RNF157: variants seen among roughly 807,000 people sequenced by gnomAD.
RNF157 encodes E3 ubiquitin ligase RNF157.
In RNF157, 55 loss-of-function variants were observed where a neutral mutation model predicts 88.3. The observed-to-expected ratio is 0.62, with a 90% confidence interval of 0.50 to 0.78. RNF157 has a LOEUF of 0.78. RNF157 is among the 30% of genes least tolerant of loss of function. The pLI is 0.00. For synonymous variants in RNF157, 334 were observed against 341.2 expected, an observed-to-expected ratio of 0.98 and a Z score of 0.23; for missense variants, 788 against 860.8, an observed-to-expected ratio of 0.92 and a Z score of 1.06.
intron 1 of RNF157, among the ~76,000 whole-genome samples, chr17:76,239,144 A>C (rs1201741458): frequency 6.6e-6 from 1 of 152,246 alleles, no homozygotes; most frequent in East Asian, 1.9e-4. Flanking sequence ...AAGCAGACAG[A>C]ATGTCGCAGC....
chr17:76,225,673 CAAAAT>C, intron 1 of RNF157: 1 of 1,220,408 alleles, frequency 8.2e-7, no homozygotes, highest in Non-Finnish European at 1.1e-6. Context: ...TTTTTCCCTA[CAAAAT>C]AATTTATTGG....
chr17:76,205,184 G>T (rs2069660067), intron 2 of RNF157, among the ~76,000 whole-genome samples: 1 of 150,340 alleles, frequency 6.7e-6, no homozygotes, highest in Admixed American at 6.6e-5. Flanking sequence ...TGTAGCCCAG[G>T]CTAGAGTGCA....
At chr17:76,173,267 C>G (rs1189315503) in intron 3 of RNF157, among the ~76,000 whole-genome samples, 2 of 150,840 alleles carry the variant, frequency 1.3e-5, no homozygotes, top group Non-Finnish European at 1.5e-5. Flanking sequence ...GCCTGGGTGA[C>G]AGAGCGAGAC....
intron 18 of RNF157, among the ~76,000 whole-genome samples, chr17:76,149,895 G>A (rs143620505): frequency 0.016 from 2,489 of 152,142 alleles, 41 homozygotes; most frequent in Middle Eastern, 0.027. Flanking sequence ...TTAGCCGGGC[G>A]TGGTGGCGGG....
At chr17:76,215,448 G>A (rs1245594833) in intron 1 of RNF157, among the ~76,000 whole-genome samples, 1 of 150,552 alleles carries the variant, frequency 6.6e-6, no homozygotes, top group African/African-American at 2.4e-5. Context: ...ACTCCAGCCT[G>A]GGTGACAGAG....
chr17:76,156,968 C>CA (rs2068775249), intron 13 of RNF157, among the ~76,000 whole-genome samples: 1 of 146,492 alleles, frequency 6.8e-6, no homozygotes, highest in Non-Finnish European at 1.5e-5. Flanking sequence ...TTTTTTTTCA[C>CA]TTTTTTTTTT....
chr17:76,210,396 C>T (rs200290742), intron 2 of RNF157, among the ~76,000 whole-genome samples: 41 of 151,712 alleles, frequency 2.7e-4, no homozygotes, highest in East Asian at 2.2e-3. Context: ...CGAGACCATC[C>T]TGGCTAACAC....
Position 76,145,363 on chromosome 17 carries a change from A to G in RNF157, c.1922-10T>C, listed in dbSNP as rs757018435. The G allele has an allele frequency of 1.2e-6, 2 of 1,606,746 alleles. No individual in the cohort carries two copies. The highest frequency in any genetic ancestry group is 3.3e-5 in the Admixed American group (2 of 59,848). On this transcript the variant is annotated splice_polypyrimidine_tract_variant and intron_variant, in intron 18 of 18. Coordinates refer to ENST00000269391, the MANE Select transcript of RNF157 (RefSeq NM_052916.3). The stretch of plus-strand genomic sequence containing the variant: ...TCAGCCTGCCAGGCACCTGGGGAAG[A>G]GAAAATGAACATTACAGGAGCCAGA...
chr17:76,155,698 G>A lies in RNF157; in HGVS notation c.1562C>T (p.Ser521Phe). The change falls in exon 15 of 19, where the codon TCC becomes TTC. Residue 521 changes from serine to phenylalanine, a missense_variant. Ser to Phe is a radical substitution (Grantham distance 155). Coordinates refer to ENST00000269391, the MANE Select transcript of RNF157 (RefSeq NM_052916.3). Reference sequence around the variant, plus strand: ...AGTGCTGATCTGGGAGGATGCCATGGACATGACAGACTGGGCCAAGCTGCT... The same window carrying A: ...AGTGCTGATCTGGGAGGATGCCATGAACATGACAGACTGGGCCAAGCTGCT... ...ASSSLAQSVM[S>F]MASSQISTDT... 1 of 1,605,010 alleles carries A rather than the reference G, an allele frequency of 6.2e-7. No individual in the cohort carries two copies. Among genetic ancestry groups the A allele is most frequent in the South Asian group, 1.1e-5 (1 of 89,918 alleles).
At chr17:76,199,090 G>A (rs764706435) in intron 2 of RNF157, among the ~76,000 whole-genome samples, 1 of 152,198 alleles carries the variant, frequency 6.6e-6, no homozygotes, top group Admixed American at 6.5e-5. Flanking sequence ...ATGATTGAGG[G>A]AATAATGAAG....
chr17:76,230,890 GAGAA>G (rs2070179704), intron 1 of RNF157, among the ~76,000 whole-genome samples: 2 of 140,374 alleles, frequency 1.4e-5, no homozygotes, highest in African/African-American at 2.7e-5. Flanking sequence ...AAGAGAAAGA[GAGAA>G]AGAGAGAGAG....
chr17:76,162,006 G>A lies in RNF157; in HGVS notation c.793-4C>T. The stretch of plus-strand genomic sequence containing the variant: ...CACTCACTTCGTCTTCAGCCACCTG[G>A]CCAAGGAGAAAGAAATGTAGCCAAT... On this transcript the variant is annotated splice_region_variant and splice_polypyrimidine_tract_variant and intron_variant, in intron 9 of 18. Coordinates refer to ENST00000269391, the MANE Select transcript of RNF157 (RefSeq NM_052916.3). 1 of 1,612,110 alleles carries A rather than the reference G, an allele frequency of 6.2e-7. No individual in the cohort carries two copies. The highest frequency in any genetic ancestry group is 8.5e-7 in the Non-Finnish European group (1 of 1,178,562).
intron 2 of RNF157, among the ~76,000 whole-genome samples, chr17:76,207,307 C>G (rs1443654938): frequency 6.6e-6 from 1 of 152,160 alleles, no homozygotes; most frequent in African/African-American, 2.4e-5. Context: ...CCTTTATTCC[C>G]AGCTACTCAG....
At chr17:76,193,961 T>C (rs1457626827) in intron 2 of RNF157, among the ~76,000 whole-genome samples, 1 of 152,102 alleles carries the variant, frequency 6.6e-6, no homozygotes, top group African/African-American at 2.4e-5. Context: ...GGGGTACACG[T>C]CCACAAACGG....
Position 76,162,067 on chromosome 17 carries a change from A to G in RNF157, c.793-65T>C, listed in dbSNP as rs1237084224. The G allele has an allele frequency of 2.9e-5, 44 of 1,522,746 alleles. 1 individual carries two copies. In the East Asian group the frequency reaches 1.0e-3, roughly 35 times the overall value. 94.3% of individuals were successfully genotyped at this position (1,522,746 alleles called of 1,614,324 possible). A position where few individuals can be genotyped will look rare whatever the true frequency, so the allele number is the denominator to read the frequency against. On this transcript the variant is annotated intron_variant, in intron 9 of 18. Coordinates refer to ENST00000269391, the MANE Select transcript of RNF157 (RefSeq NM_052916.3). Reference sequence around the variant, plus strand: ...CCTTCCTGTCCCATACTTTACTGACAAGGCAGCGTGGCTGAAGAGCTAAGA... The same window carrying G: ...CCTTCCTGTCCCATACTTTACTGACGAGGCAGCGTGGCTGAAGAGCTAAGA...
chr17:76,159,235 AC>A lies in RNF157; in HGVS notation c.1304+99del, dbSNP rs2068811253. Reference sequence around the variant, plus strand: ...AGCTCTGGGAACAGCCCAGAGGGTTACTCTGCCCTAAGTCCCCAGGATGTGG... The same window carrying A: ...AGCTCTGGGAACAGCCCAGAGGGTTATCTGCCCTAAGTCCCCAGGATGTGG... On this transcript the variant is annotated intron_variant, in intron 12 of 18. Coordinates refer to ENST00000269391, the MANE Select transcript of RNF157 (RefSeq NM_052916.3). 4 of 1,010,428 alleles carry A rather than the reference AC, an allele frequency of 4.0e-6. No homozygotes were observed. In the South Asian group the frequency reaches 5.3e-5, roughly 13 times the overall value. The allele number at this position is 1,010,428 out of a possible 1,614,324, so 62.6% of individuals were successfully genotyped here. A position where few individuals can be genotyped will look rare whatever the true frequency, so the allele number is the denominator to read the frequency against.
At chr17:76,189,511 A>C (rs1435515242) in intron 2 of RNF157, among the ~76,000 whole-genome samples, 1 of 152,186 alleles carries the variant, frequency 6.6e-6, no homozygotes, top group Non-Finnish European at 1.5e-5. Context: ...CAGCGACCTC[A>C]AAAGTTGTGA....
intron 1 of RNF157, among the ~76,000 whole-genome samples, chr17:76,221,027 G>A (rs1021617171): frequency 1.4e-4 from 22 of 151,942 alleles, no homozygotes; most frequent in Non-Finnish European, 2.2e-4. Flanking sequence ...AGGCTGAGGC[G>A]GGAGAATTAC....
At chr17:76,232,505 C>G (rs1445343803) in intron 1 of RNF157, among the ~76,000 whole-genome samples, 1 of 152,168 alleles carries the variant, frequency 6.6e-6, no homozygotes, top group Non-Finnish European at 1.5e-5. Context: ...AGCTGATGTA[C>G]ACTTGGATTA....
Sources: gnomAD v4.1 joint callset for allele counts (sites outside exome capture counted in the v4.1 genomes callset) on GRCh38, gnomAD v4.1.1 for gene constraint, MANE v1.5 for transcripts, NCBI Gene and HGNC (gene_info 2026-07-23, HGNC 2026-07-21) for gene names.